Variants in ETS1 observed in about 807,000 individuals in gnomAD.
The protein encoded by ETS1 is ETS proto-oncogene 1, transcription factor.
A neutral mutation model predicts 58.6 loss-of-function variants in ETS1; 15 were observed. The ratio of observed to expected loss-of-function variants is 0.26; its 90% confidence interval spans 0.17 to 0.39. ETS1 has a LOEUF of 0.39. Among genes scored for constraint, ETS1 ranks in the 10% least tolerant of loss-of-function variants. The pLI is 1.00. For missense variants in ETS1, 417 were observed against 610.5 expected (o/e 0.68, Z 3.34); for synonymous variants, 214 against 218.2 (o/e 0.98, Z 0.17).
chr11:128,566,642 G>A (rs954093430), intron 2 of ETS1, among the ~76,000 whole-genome samples: 21 of 152,084 alleles, frequency 1.4e-4, no homozygotes, highest in African/African-American at 4.6e-4. Context: ...AATTAGCTGG[G>A]CACGGTGGTG....
Position 128,530,708 on chromosome 11 carries a change from GA to G in ETS1, c.214+25582del, listed in dbSNP as rs1050737131. Among the ~76,000 whole-genome samples, 31 of 152,054 alleles carry G rather than the reference GA, an allele frequency of 2.0e-4. 1 individual carries two copies. The highest frequency in any genetic ancestry group is 7.5e-4 in the African/African-American group (31 of 41,398). The stretch of plus-strand genomic sequence containing the variant: ...GGAAGCTGGCAATGGACTGTGAGAG[GA>G]AAAAACAAAGGGCAGTCAGCGCTCT... On this transcript the variant is annotated intron_variant, in intron 3 of 9. Transcript: ENST00000392668.
At chr11:128,495,106 G>T (rs550743574) in intron 3 of ETS1, among the ~76,000 whole-genome samples, 41 of 152,286 alleles carry the variant, frequency 2.7e-4, no homozygotes, top group African/African-American at 9.6e-4. Context: ...GGCCTGGAAA[G>T]GTATCACAAG....
chr11:128,547,714 G>A (rs970105028), intron 3 of ETS1, among the ~76,000 whole-genome samples: 1 of 151,984 alleles, frequency 6.6e-6, no homozygotes, highest in African/African-American at 2.4e-5. Flanking sequence ...GTTTGAAAGA[G>A]GCAAACAATT....
rs530057456 is a variant in ETS1 at position 128,569,548 on chromosome 11, T to A, written c.69+3514A>T. On this transcript the variant is annotated intron_variant, in intron 2 of 9. Transcript: ENST00000392668. ...CAGGGTATCTTAGATTGCAACTGAA[T>A]GTGAGGTTTGTTTGCTGGTGTCTCT... 7.2e-5 allele frequency among the ~76,000 whole-genome samples: 11 copies of A among 151,978 alleles called. No individual in the cohort carries two copies. In the South Asian group the frequency reaches 2.3e-3, roughly 32 times the overall value.
intron 2 of ETS1, among the ~76,000 whole-genome samples, chr11:128,567,001 C>G (rs1278113795): frequency 6.6e-6 from 1 of 152,078 alleles, no homozygotes; most frequent in East Asian, 1.9e-4. Flanking sequence ...GAAATAGAGT[C>G]CTGTGGATCA....
At chr11:128,535,904 C>T (rs997335832) in intron 3 of ETS1, among the ~76,000 whole-genome samples, 1 of 152,200 alleles carries the variant, frequency 6.6e-6, no homozygotes, top group Non-Finnish European at 1.5e-5. Context: ...TTTGCAACCT[C>T]CAACCTGAGA....
At chr11:128,478,451 G>GGA (rs1565371346) in intron 8 of ETS1, among the ~76,000 whole-genome samples, 83 of 28,652 alleles carry the variant, frequency 2.9e-3, no homozygotes, top group African/African-American at 4.5e-3. Flanking sequence ...GGGAGAGAGG[G>GGA]AGGGAGGAAG....
chr11:128,472,844 T>A (rs1320257488), intron 8 of ETS1, among the ~76,000 whole-genome samples: 1 of 152,230 alleles, frequency 6.6e-6, no homozygotes, highest in Non-Finnish European at 1.5e-5. Context: ...TTCTCTTCGC[T>A]GCCTTTTTTT....
chr11:128,523,111 G>A (rs1469153281), intron 3 of ETS1, among the ~76,000 whole-genome samples: 2 of 152,184 alleles, frequency 1.3e-5, no homozygotes. Flanking sequence ...ATTGGCCAAA[G>A]CTTTGTCTTT....
chr11:128,544,867 T>C lies in ETS1; in HGVS notation c.214+11424A>G, dbSNP rs146535542. 2.7e-3 allele frequency among the ~76,000 whole-genome samples: 413 copies of C among 152,294 alleles called. 1 individual carries two copies. The highest frequency in any genetic ancestry group is 6.8e-3 in the Middle Eastern group (2 of 294). ...TGCTGAAAAGCAGCTTCCCCACAAT[T>C]AGTCTCTCTATTCAGAGGTCTGGGA... On this transcript the variant is annotated intron_variant, in intron 3 of 9. Transcript: ENST00000392668.
intron 3 of ETS1, among the ~76,000 whole-genome samples, chr11:128,509,152 G>A (rs1863322272): frequency 6.6e-6 from 1 of 152,186 alleles, no homozygotes; most frequent in South Asian, 2.1e-4. Flanking sequence ...CATTACAGAA[G>A]AGGATGGGTG....
intron 2 of ETS1, among the ~76,000 whole-genome samples, chr11:128,561,588 G>A (rs545355244): frequency 6.6e-6 from 1 of 152,242 alleles, no homozygotes; most frequent in African/African-American, 2.4e-5. Context: ...GGTGTCGAGG[G>A]GAAGAGGAAA....
chr11:128,584,648 G>A (rs1864937294), intron 1 of ETS1, among the ~76,000 whole-genome samples: 1 of 152,034 alleles, frequency 6.6e-6, no homozygotes, highest in South Asian at 2.1e-4. Flanking sequence ...ATTAAAAGGT[G>A]GAGTTCAATA....
intron 7 of ETS1, 35 bp from the exon 8 acceptor site, chr11:128,480,486 G>C: frequency 6.7e-7 from 1 of 1,503,236 alleles, no homozygotes; most frequent in Non-Finnish European, 9.2e-7. Flanking sequence ...AGAGGACAGG[G>C]GGAGGAGGGA....
intron 3 of ETS1, among the ~76,000 whole-genome samples, chr11:128,503,739 T>G (rs545065548): frequency 2.1e-4 from 32 of 152,228 alleles, no homozygotes; most frequent in African/African-American, 7.7e-4. Flanking sequence ...ATCATCCCAG[T>G]GTAATTCACA....
chr11:128,566,770 A>G lies in ETS1; in HGVS notation c.69+6292T>C, dbSNP rs192308353. Among the ~76,000 whole-genome samples the G allele has an allele frequency of 3.2e-3, 487 of 151,266 alleles. 5 individuals are homozygous for G. The highest frequency in any genetic ancestry group is 0.011 in the African/African-American group (455 of 41,020). On this transcript the variant is annotated intron_variant, in intron 2 of 9. Transcript: ENST00000392668. ...TGCACTCCAGCCTGGGCGACAGAGC[A>G]AGACACCGTCTCAAAAAAAAAAAAA...
rs150188272 is a variant in ETS1 at position 128,547,601 on chromosome 11, T to G, written c.214+8690A>C. Reference sequence around the variant, plus strand: ...AAGTCTCAGGAGGTATGGAAAAGACTGATGACACAACTTTGAAAATTGGTG... The same window carrying G: ...AAGTCTCAGGAGGTATGGAAAAGACGGATGACACAACTTTGAAAATTGGTG... On this transcript the variant is annotated intron_variant, in intron 3 of 9. Coordinates refer to ENST00000392668, the MANE Select transcript of ETS1 (RefSeq NM_001143820.2). 9.5e-3 allele frequency among the ~76,000 whole-genome samples: 1,441 copies of G among 152,114 alleles called. 23 individuals carry two copies. The highest frequency in any genetic ancestry group is 0.032 in the African/African-American group (1,333 of 41,528).
chr11:128,480,795 T>C (rs757205430), intron 7 of ETS1, among the ~76,000 whole-genome samples: 4 of 152,246 alleles, frequency 2.6e-5, no homozygotes, highest in South Asian at 2.1e-4. Flanking sequence ...GGATCACACA[T>C]GTTATGATAT....
intron 8 of ETS1, among the ~76,000 whole-genome samples, chr11:128,478,491 A>C (rs1701541205): frequency 6.7e-6 from 1 of 149,138 alleles, no homozygotes; most frequent in Non-Finnish European, 1.5e-5. Flanking sequence ...GGAAGGGCAG[A>C]AGAGAGGGTG....
Sources: allele counts gnomAD v4.1 joint callset (sites outside exome capture counted in the v4.1 genomes callset), GRCh38; gene constraint gnomAD v4.1.1; transcripts MANE v1.5; gene names NCBI Gene and HGNC (gene_info 2026-07-23, HGNC 2026-07-21).